Variants in ZSWIM7 observed in about 807,000 individuals in gnomAD.
The protein encoded by ZSWIM7 is zinc finger SWIM-type containing 7.
In ZSWIM7, 22 loss-of-function variants were observed where a neutral mutation model predicts 21.1. That is an observed-to-expected ratio of 1.04 (90% CI 0.74 to 1.49). ZSWIM7 has a LOEUF of 1.49. Among genes scored for constraint, ZSWIM7 ranks in the 40% most tolerant of loss-of-function variants. The pLI, the probability that ZSWIM7 is intolerant of heterozygous loss-of-function variation, is 0.00. For synonymous variants in ZSWIM7, 67 were observed against 66.5 expected (o/e 1.01, Z -0.04); for missense variants, 193 against 168.0 (o/e 1.15, Z -0.82).
chr17:15,984,865 G>A (rs1245693043), intron 3 of ZSWIM7, among the ~76,000 whole-genome samples: 3 of 152,180 alleles, frequency 2.0e-5, no homozygotes. Flanking sequence ...TTGGAACAGA[G>A]CTACAGCTGG....
At chr17:15,987,445 G>C in intron 2 of ZSWIM7, 77 bp from the exon 3 acceptor site, 1 of 1,195,718 alleles carries the variant, frequency 8.4e-7, no homozygotes, top group Non-Finnish European at 1.2e-6. Flanking sequence ...AGGATCACTA[G>C]ACTTAGTATT....
Position 15,978,225 on chromosome 17 carries a change from C to G in ZSWIM7, c.307-62G>C, listed in dbSNP as rs141288151. On this transcript the variant is annotated intron_variant, in intron 4 of 4. Coordinates refer to ENST00000399277, the MANE Select transcript of ZSWIM7 (RefSeq NM_001042697.2). ...CAGGGCCAGGGCTGGCCAGTCTAACCAAGATTTCTCATTACCATCTTATTT... is the reference window on the plus strand; with the variant it reads ...CAGGGCCAGGGCTGGCCAGTCTAACGAAGATTTCTCATTACCATCTTATTT... 869 of 1,146,566 alleles carry G rather than the reference C, an allele frequency of 7.6e-4. 3 individuals are homozygous for G. The African/African-American group carries it at 0.011, about 15-fold the overall frequency. The allele number at this position is 1,146,566 out of a possible 1,614,324, so 71.0% of individuals were successfully genotyped here.
At chr17:15,987,583 ATG>A (rs1045110536) in intron 2 of ZSWIM7, among the ~76,000 whole-genome samples, 1 of 151,846 alleles carries the variant, frequency 6.6e-6, no homozygotes, top group East Asian at 1.9e-4. Flanking sequence ...TTATGTATAT[ATG>A]TGTGTGTGTA....
At chr17:15,980,903 C>A in intron 4 of ZSWIM7, 137 bp downstream of exon 4, 1 of 565,904 alleles carries the variant, frequency 1.8e-6, no homozygotes, top group Non-Finnish European at 3.0e-6. Context: ...AGGTGACTAA[C>A]TGAAGACAAA....
At chr17:15,982,745 G>A (rs1049984831) in intron 3 of ZSWIM7, among the ~76,000 whole-genome samples, 15 of 152,054 alleles carry the variant, frequency 9.9e-5, no homozygotes, top group East Asian at 1.9e-4. Flanking sequence ...TGAATCCCTC[G>A]GCTAAAGTGA....
At position 15,999,580 on chromosome 17, in the gene ZSWIM7, C is replaced by T. The variant is rs1351379157; in HGVS notation, c.15G>A (p.Leu5=). 2 of 1,588,048 alleles carry T rather than the reference C, an allele frequency of 1.3e-6. No individual in the cohort carries two copies. The highest frequency in any genetic ancestry group is 1.7e-6 in the Non-Finnish European group (2 of 1,168,520). The change falls in exon 1 of 5, where the codon TTG becomes TTA. Residue 5 remains leucine, a synonymous_variant. Transcript: ENST00000399277. MAVV[L]PAVVEELLSE... is the part of the protein sequence containing the mutation. ...TCAGGAGCTCCTCCACAACCGCCGG[C>T]AACACTACGGCCATCGCGCCGCAGG...
At chr17:15,979,315 A>G (rs1232454978) in intron 4 of ZSWIM7, among the ~76,000 whole-genome samples, 1 of 152,072 alleles carries the variant, frequency 6.6e-6, no homozygotes, top group Non-Finnish European at 1.5e-5. Context: ...GTAAGGTCAC[A>G]GATCAACAGG....
At chr17:15,989,721 C>T (rs952953362) in intron 2 of ZSWIM7, among the ~76,000 whole-genome samples, 6 of 152,024 alleles carry the variant, frequency 3.9e-5, no homozygotes, top group Admixed American at 3.9e-4. Context: ...GCCTGAACCC[C>T]CTGGGCTCAA....
intron 2 of ZSWIM7, among the ~76,000 whole-genome samples, chr17:15,990,394 G>A (rs1176886964): frequency 6.6e-6 from 1 of 151,644 alleles, no homozygotes; most frequent in Non-Finnish European, 1.5e-5. Context: ...TGCCCAGGTT[G>A]GAGTGCAGTG....
chr17:15,994,783 G>T (rs925422769), intron 1 of ZSWIM7, among the ~76,000 whole-genome samples: 1 of 152,048 alleles, frequency 6.6e-6, no homozygotes. Context: ...TCTTCCCTAG[G>T]TATACCCCAA....
intron 3 of ZSWIM7, among the ~76,000 whole-genome samples, chr17:15,983,344 C>CAAAAAAA (rs58918337): frequency 9.0e-5 from 4 of 44,610 alleles, no homozygotes; most frequent in African/African-American, 3.2e-4. Context: ...GACTCTGTCT[C>CAAAAAAA]AAAAAAAAAA....
At chr17:15,997,971 T>C (rs1970581095) in intron 1 of ZSWIM7, among the ~76,000 whole-genome samples, 1 of 152,202 alleles carries the variant, frequency 6.6e-6, no homozygotes, top group South Asian at 2.1e-4. Context: ...TGTGGTGGCA[T>C]GCGCCTGTAG....
rs377710011 is a variant in ZSWIM7 at position 15,978,063 on chromosome 17, T to A, written c.407A>T (p.Lys136Met). Residue 136 changes from lysine (K) to methionine (M), a missense_variant, in exon 5 of 5, where the codon AAG (lysine) becomes ATG (methionine). Transcript: ENST00000399277. ...CTGTACCTTTTATGCTTCTTGTTTC[T>A]TCTCCATCAATAATATGTCAGTCAA... ...KQLTDILLME[K>M]KQEA 27 of 1,613,700 alleles carry A rather than the reference T, an allele frequency of 1.7e-5. No individual in the cohort carries two copies. In the African/African-American group the frequency reaches 2.7e-4, roughly 16 times the overall value.
At chr17:15,989,024 A>AG (rs1179327045) in intron 2 of ZSWIM7, among the ~76,000 whole-genome samples, 1 of 152,194 alleles carries the variant, frequency 6.6e-6, no homozygotes, top group East Asian at 1.9e-4. Flanking sequence ...TCTCAAAAAA[A>AG]AAATAAATGA....
In ZSWIM7 at chr17:15,976,666, T is replaced by C. The variant is rs1483179565; in HGVS notation, c.*1381A>G. 6.6e-6 allele frequency: 1 copy of C among 152,186 alleles called. No individual in the cohort carries two copies. Among genetic ancestry groups the C allele is most frequent in the African/African-American group, 2.4e-5 (1 of 41,440 alleles). 9.4% of individuals were successfully genotyped at this position (152,186 alleles called of 1,614,324 possible). ...ACATTGCAACACCTAGGCCCTGGGC[T>C]TTCCCCCAGCATTCATTCACTAGCA... On this transcript the variant is annotated 3_prime_UTR_variant, in exon 5 of 5. Coordinates refer to ENST00000399277, the MANE Select transcript of ZSWIM7 (RefSeq NM_001042697.2).
intron 3 of ZSWIM7, among the ~76,000 whole-genome samples, chr17:15,981,378 A>G (rs1463854930): frequency 6.6e-6 from 1 of 151,962 alleles, no homozygotes; most frequent in Non-Finnish European, 1.5e-5. Flanking sequence ...AGAGTTTCAG[A>G]TTAGTTCAAC....
chr17:15,985,839 T>C (rs1246369797), intron 3 of ZSWIM7, among the ~76,000 whole-genome samples: 1 of 152,110 alleles, frequency 6.6e-6, no homozygotes, highest in Non-Finnish European at 1.5e-5. Flanking sequence ...TGGGAAAAAC[T>C]TGAAGGTCCC....
chr17:15,997,155 CAAAA>C (rs61144764), intron 1 of ZSWIM7, among the ~76,000 whole-genome samples: 1 of 115,014 alleles, frequency 8.7e-6, no homozygotes. Flanking sequence ...CAGACTGTCT[CAAAA>C]AAAAAAAAAA....
rs1372711801 is a variant in ZSWIM7, at chr17:15,977,843, T to C, written c.*204A>G. 5 of 489,858 alleles carry C rather than the reference T, an allele frequency of 1.0e-5. No homozygotes were observed. Among genetic ancestry groups the C allele is most frequent in the East Asian group, 6.4e-5 (2 of 31,192 alleles). The allele number at this position is 489,858 out of a possible 1,614,324, so 30.3% of individuals were successfully genotyped here. ...GGCTCAGGGTATTTCTTGACAAGAC[T>C]GTACAGGGCTTCTCATCATACACAA... is the stretch of plus-strand genomic sequence containing the variant. On this transcript the variant is annotated 3_prime_UTR_variant, in exon 5 of 5. Coordinates refer to ENST00000399277, the MANE Select transcript of ZSWIM7 (RefSeq NM_001042697.2).
Sources: allele counts gnomAD v4.1 joint callset (sites outside exome capture counted in the v4.1 genomes callset), GRCh38; gene constraint gnomAD v4.1.1; transcripts MANE v1.5; gene names NCBI Gene and HGNC (gene_info 2026-07-23, HGNC 2026-07-21).